Variants in SERINC5 observed in about 807,000 individuals in gnomAD.
SERINC5 encodes the protein serine incorporator 5.
A neutral mutation model predicts 63.1 loss-of-function variants in SERINC5; 41 were observed. The observed-to-expected ratio is 0.65, with a 90% CI of 0.51 to 0.84. SERINC5 has a LOEUF of 0.84. Ranked by LOEUF, SERINC5 falls within the 40% of genes least tolerant of loss-of-function variation. SERINC5 has a pLI of 0.00. For missense variants in SERINC5, 523 were observed against 573.0 expected (o/e 0.91, Z 0.89); for synonymous variants, 222 against 215.2 (o/e 1.03, Z -0.28).
chr5:80,120,500 T>A (rs898297941), intron 11 of SERINC5, among the ~76,000 whole-genome samples: 1 of 152,124 alleles, frequency 6.6e-6, no homozygotes, highest in African/African-American at 2.4e-5. Context: ...ATATACCATA[T>A]TAGGTTATAA....
Position 80,143,409 on chromosome 5 carries a change from A to G in SERINC5, c.*254T>C. ...GCAGAAGGAAGTCAACATAACTGGT[A>G]TCCAGTTCCTAGGGGTAAGATATTT... On this transcript the variant is annotated 3_prime_UTR_variant, in exon 12 of 12. Transcript: ENST00000507668. 3.3e-6 allele frequency: 4 copies of G among 1,203,694 alleles called. No individual in the cohort carries two copies. Among genetic ancestry groups the G allele is most frequent in the Non-Finnish European group, 4.1e-6 (4 of 968,488 alleles). The allele number at this position is 1,203,694 out of a possible 1,614,324, so 74.6% of individuals were successfully genotyped here. A position where few individuals can be genotyped will look rare whatever the true frequency, so the allele number is the denominator to read the frequency against.
intron 9 of SERINC5, among the ~76,000 whole-genome samples, chr5:80,149,903 T>C (rs1336398242): frequency 2.0e-5 from 3 of 152,146 alleles, no homozygotes; most frequent in Admixed American, 6.5e-5. Context: ...CTTGCTGTTG[T>C]TGGTAGATGA....
intron 1 of SERINC5, among the ~76,000 whole-genome samples, chr5:80,241,179 A>G (rs1251436299): frequency 6.6e-6 from 1 of 152,148 alleles, no homozygotes; most frequent in African/African-American, 2.4e-5. Flanking sequence ...CTTAAGAAAT[A>G]AAAAGGCAAG....
At position 80,155,595 on chromosome 5, in the gene SERINC5, G is replaced by GGA. The variant is rs142849822; in HGVS notation, c.986+3239_986+3240dup. 8.7e-3 allele frequency among the ~76,000 whole-genome samples: 1,268 copies of GGA among 145,046 alleles called. 21 individuals are homozygous for GGA. Among genetic ancestry groups the GGA allele is most frequent in the African/African-American group, 0.033 (1,195 of 36,432 alleles). ...CTCAAAAAAAAAAAGGAAGAAAGAA[G>GGA]GAGAGAGAGAGAGAGAAAACCATCA... On this transcript the variant is annotated intron_variant, in intron 8 of 11. Coordinates refer to ENST00000507668, the MANE Select transcript of SERINC5 (RefSeq NM_001174072.3).
At chr5:80,149,892 C>T (rs975846585) in intron 9 of SERINC5, among the ~76,000 whole-genome samples, 1 of 152,156 alleles carries the variant, frequency 6.6e-6, no homozygotes, top group African/African-American at 2.4e-5. Context: ...TCTGATTAGA[C>T]CTTGCTGTTG....
chr5:80,161,036 G>GTA (rs538888494), intron 7 of SERINC5, among the ~76,000 whole-genome samples: 2,570 of 124,818 alleles, frequency 0.021, 26 homozygotes, highest in Middle Eastern at 0.047. Flanking sequence ...ATACACACGT[G>GTA]TATATATATA....
chr5:80,186,519 A>T (rs1748822039), intron 2 of SERINC5, among the ~76,000 whole-genome samples: 1 of 152,204 alleles, frequency 6.6e-6, no homozygotes, highest in Non-Finnish European at 1.5e-5. Context: ...TGTCCTTCAG[A>T]GACCTAGCCA....
Position 80,255,896 on chromosome 5 carries a change from C to T in SERINC5, c.27G>A (p.Gln9=). The change falls in exon 1 of 12, where the codon CAG becomes CAA. Residue 9 remains glutamine, a splice_region_variant and synonymous_variant. Coordinates refer to ENST00000507668, the MANE Select transcript of SERINC5 (RefSeq NM_001174072.3). MSAQCCAG[Q]LACCCGSAGC... ...CCGCGCTGCGCCCGGCCTCGCTCAC[C>T]TGGCCCGCACAGCACTGAGCTGACA... 6.3e-7 allele frequency: 1 copy of T among 1,588,810 alleles called. No individual in the cohort carries two copies. Among genetic ancestry groups the T allele is most frequent in the Non-Finnish European group, 8.5e-7 (1 of 1,172,686 alleles).
chr5:80,171,972 T>C (rs1747696323), intron 5 of SERINC5, among the ~76,000 whole-genome samples: 1 of 152,144 alleles, frequency 6.6e-6, no homozygotes. Context: ...ATTTGATTAC[T>C]ATATAACATA....
intron 2 of SERINC5, among the ~76,000 whole-genome samples, chr5:80,180,196 A>G (rs1345597880): frequency 1.3e-5 from 2 of 152,244 alleles, no homozygotes; most frequent in African/African-American, 4.8e-5. Context: ...ATCTTACACA[A>G]TGAGAACAAG....
At chr5:80,221,468 A>C (rs1750902590) in intron 1 of SERINC5, among the ~76,000 whole-genome samples, 1 of 152,206 alleles carries the variant, frequency 6.6e-6, no homozygotes, top group African/African-American at 2.4e-5. Flanking sequence ...TCTCTGAAAA[A>C]GGTATCTGTA....
intron 7 of SERINC5, among the ~76,000 whole-genome samples, chr5:80,164,910 G>GTTTTGTT (rs1747174810): frequency 1.2e-5 from 1 of 85,180 alleles, no homozygotes; most frequent in African/African-American, 4.9e-5. Context: ...CTTTTTTTCT[G>GTTTTGTT]TTTTTTTTTT....
chr5:80,117,198 G>A (rs545649641), intron 11 of SERINC5, among the ~76,000 whole-genome samples: 5 of 152,182 alleles, frequency 3.3e-5, no homozygotes, highest in East Asian at 1.9e-4. Flanking sequence ...TAGGAACTGC[G>A]TAAGCCAAGA....
downstream of SERINC5, among the ~76,000 whole-genome samples, chr5:80,137,132 CCT>C (rs1379852807): frequency 2.7e-5 from 3 of 109,452 alleles, no homozygotes; most frequent in African/African-American, 1.0e-4. Context: ...AGACTGAGAC[CCT>C]GTCTCAAAAA....
At chr5:80,122,595 G>A (rs1218630429) in intron 11 of SERINC5, among the ~76,000 whole-genome samples, 2 of 152,178 alleles carry the variant, frequency 1.3e-5, no homozygotes, top group Non-Finnish European at 2.9e-5. Flanking sequence ...CCTGTGAAGG[G>A]ATTCTGCAAA....
chr5:80,137,195 AATACCAT>A (rs1462963866), downstream of SERINC5, among the ~76,000 whole-genome samples: 4 of 151,692 alleles, frequency 2.6e-5, no homozygotes, highest in Non-Finnish European at 4.4e-5. Context: ...TGAAAGTAGA[AATACCAT>A]ATGATCCAGC....
chr5:80,244,562 G>A (rs1197254149), intron 1 of SERINC5, among the ~76,000 whole-genome samples: 1 of 151,750 alleles, frequency 6.6e-6, no homozygotes, highest in Non-Finnish European at 1.5e-5. Flanking sequence ...CGGGCACAGT[G>A]GCTCACGTCT....
intron 1 of SERINC5, among the ~76,000 whole-genome samples, chr5:80,253,991 C>T (rs1752536308): frequency 6.6e-6 from 1 of 152,300 alleles, no homozygotes; most frequent in Non-Finnish European, 1.5e-5. Context: ...AGTGCAATGG[C>T]GTGATCTCAG....
intron 8 of SERINC5, among the ~76,000 whole-genome samples, chr5:80,151,455 T>C (rs1362316322): frequency 6.6e-6 from 1 of 152,226 alleles, no homozygotes; most frequent in Non-Finnish European, 1.5e-5. Flanking sequence ...ATTCTGCCAC[T>C]TCCCTGAGAC....
Sources: allele counts gnomAD v4.1 joint callset (sites outside exome capture counted in the v4.1 genomes callset), GRCh38; gene constraint gnomAD v4.1.1; transcripts MANE v1.5; gene names NCBI Gene and HGNC (gene_info 2026-07-23, HGNC 2026-07-21).